The following SPAG16 variants were observed in gnomAD, a reference collection of about 807,000 sequenced individuals.
SPAG16 encodes the protein sperm-associated antigen 16 protein.
In SPAG16, 86 loss-of-function variants were observed where a neutral mutation model predicts 80.4. That is an observed-to-expected ratio of 1.07 (90% CI 0.90 to 1.28). The LOEUF (loss-of-function observed/expected upper bound fraction) is 1.28. Among genes scored for constraint, SPAG16 ranks in the 50% most tolerant of loss-of-function variants. The pLI, the probability that SPAG16 is intolerant of heterozygous loss-of-function variation, is 0.00. For missense variants in SPAG16, 870 were observed against 765.3 expected, an observed-to-expected ratio of 1.14 and a Z score of -1.61; for synonymous variants, 294 against 265.9, an observed-to-expected ratio of 1.11 and a Z score of -1.03.
intron 10 of SPAG16, among the ~76,000 whole-genome samples, chr2:213,612,597 C>G (rs1001428594): frequency 6.6e-6 from 1 of 152,326 alleles, no homozygotes; most frequent in East Asian, 1.9e-4. Flanking sequence ...AAATCAACCA[C>G]CAATTGATCA....
chr2:214,053,366 T>C (rs2049762861), intron 13 of SPAG16, among the ~76,000 whole-genome samples: 1 of 152,176 alleles, frequency 6.6e-6, no homozygotes, highest in Non-Finnish European at 1.5e-5. Flanking sequence ...CTTTGCTTAA[T>C]AAGGCCTGAA....
intron 10 of SPAG16, among the ~76,000 whole-genome samples, chr2:213,820,361 T>TG (rs975755795): frequency 1.4e-4 from 22 of 152,292 alleles, no homozygotes; most frequent in Admixed American, 7.9e-4. Context: ...AACCTTTTTT[T>TG]TGTGTGTGGG....
chr2:213,707,065 T>C (rs1042923573), intron 10 of SPAG16, among the ~76,000 whole-genome samples: 3 of 152,224 alleles, frequency 2.0e-5, no homozygotes, highest in Non-Finnish European at 2.9e-5. Flanking sequence ...TGTCATATTC[T>C]ATTGGTCACA....
At chr2:213,421,991 C>T (rs1002912039) in intron 9 of SPAG16, 4 of 570,808 alleles carry the variant, frequency 7.0e-6, no homozygotes, top group African/African-American at 5.6e-5. Flanking sequence ...TAAAGTTCCT[C>T]TCTGCCTTGC....
intron 10 of SPAG16, among the ~76,000 whole-genome samples, chr2:213,728,769 C>T (rs1055505141): frequency 4.6e-5 from 7 of 151,208 alleles, no homozygotes; most frequent in Non-Finnish European, 7.4e-5. Context: ...CCCAGCTGCT[C>T]GGCAGGCTGA....
At chr2:213,921,570 A>G (rs138205003) in intron 11 of SPAG16, among the ~76,000 whole-genome samples, 2 of 152,264 alleles carry the variant, frequency 1.3e-5, no homozygotes, top group African/African-American at 4.8e-5. Context: ...TGATCCTGTC[A>G]TCATATTGTT....
chr2:213,707,647 G>A (rs770031917), intron 10 of SPAG16, among the ~76,000 whole-genome samples: 33 of 152,042 alleles, frequency 2.2e-4, no homozygotes, highest in Non-Finnish European at 4.0e-4. Context: ...TGCCTATCAT[G>A]TGCCTAAAAT....
At position 213,435,265 on chromosome 2, in the gene SPAG16, A is replaced by G. The variant is rs960313071; in HGVS notation, c.943-54698A>G. Among the ~76,000 whole-genome samples the G allele has an allele frequency of 3.3e-5, 5 of 152,216 alleles. No individual in the cohort carries two copies. The East Asian group carries it at 7.7e-4, about 23-fold the overall frequency. Reference sequence around the variant, plus strand: ...TAAGTGAATTGCAGGTCATTATCTTAGGTGAAACAATGCAGAAACAGAAAG... The same window carrying G: ...TAAGTGAATTGCAGGTCATTATCTTGGGTGAAACAATGCAGAAACAGAAAG... On this transcript the variant is annotated intron_variant, in intron 9 of 15. Coordinates refer to ENST00000331683, the MANE Select transcript of SPAG16 (RefSeq NM_024532.5).
chr2:214,111,080 T>G (rs1355746334), intron 14 of SPAG16, among the ~76,000 whole-genome samples: 1 of 152,216 alleles, frequency 6.6e-6, no homozygotes, highest in African/African-American at 2.4e-5. Flanking sequence ...TCCTGTAGGT[T>G]GCCTGTTCAC....
At chr2:213,358,098 G>A (rs2065769609) in intron 7 of SPAG16, among the ~76,000 whole-genome samples, 1 of 152,148 alleles carries the variant, frequency 6.6e-6, no homozygotes, top group Non-Finnish European at 1.5e-5. Context: ...ACTCTCTTCT[G>A]GCTTGTAGGG....
chr2:213,731,153 GTTTTTT>G (rs57074369), intron 10 of SPAG16, among the ~76,000 whole-genome samples: 2 of 107,098 alleles, frequency 1.9e-5, no homozygotes, highest in African/African-American at 7.0e-5. Flanking sequence ...TTATATCTGA[GTTTTTT>G]TTTTTTTTTT....
At chr2:213,686,401 C>T (rs1311603538) in intron 10 of SPAG16, among the ~76,000 whole-genome samples, 1 of 152,186 alleles carries the variant, frequency 6.6e-6, no homozygotes, top group African/African-American at 2.4e-5. Flanking sequence ...CAGGCATGAG[C>T]CAAAGCGCCC....
intron 15 of SPAG16, among the ~76,000 whole-genome samples, chr2:214,395,245 T>C (rs2126134348): frequency 6.6e-6 from 1 of 152,328 alleles, no homozygotes; most frequent in South Asian, 2.1e-4. Flanking sequence ...TGTGAAATAA[T>C]TGGCAAGAGT....
intron 15 of SPAG16, among the ~76,000 whole-genome samples, chr2:214,319,686 A>T (rs1240068798): frequency 1.3e-5 from 2 of 152,108 alleles, no homozygotes; most frequent in Admixed American, 1.3e-4. Flanking sequence ...TATTTTCTTG[A>T]AGAAAAAGAT....
chr2:213,692,810 GAA>G (rs747223234), intron 10 of SPAG16, among the ~76,000 whole-genome samples: 4 of 86,176 alleles, frequency 4.6e-5, no homozygotes, highest in Non-Finnish European at 9.5e-5. Context: ...ACTCGGTCTC[GAA>G]AAAAAAAAAA....
rs760836326 is a variant in SPAG16 at position 213,317,338 on chromosome 2, A to G, written c.518A>G (p.His173Arg). The change falls in exon 5 of 16, where the codon CAC (histidine) becomes CGC (arginine). Residue 173 changes from histidine (H) to arginine (R), a missense_variant. By Grantham distance (29) the His-to-Arg change is conservative (BLOSUM62 0). Transcript: ENST00000331683. ...ENKNLKKDLK[H>R]YKQAADKARE... ...AAAAATTTAAAGAAAGATTTGAAGC[A>G]CTACAAACAAGCAGCTGAGTATGTT... 6.2e-7 allele frequency: 1 copy of G among 1,609,408 alleles called. No individual in the cohort carries two copies. The highest frequency in any genetic ancestry group is 8.5e-7 in the Non-Finnish European group (1 of 1,177,698).
intron 15 of SPAG16, among the ~76,000 whole-genome samples, chr2:214,315,539 T>A (rs1456506610): frequency 7.2e-6 from 1 of 138,686 alleles, no homozygotes; most frequent in Admixed American, 7.2e-5. Context: ...ATTTATTTAT[T>A]TATTTATTTT....
intron 15 of SPAG16, among the ~76,000 whole-genome samples, chr2:214,296,984 C>T (rs960808131): frequency 2.0e-5 from 3 of 152,192 alleles, no homozygotes; most frequent in Admixed American, 2.0e-4. Flanking sequence ...CACTTTCTGC[C>T]ATGATTGTTA....
intron 10 of SPAG16, among the ~76,000 whole-genome samples, chr2:213,536,546 TTG>T (rs2076254720): frequency 6.6e-6 from 1 of 152,200 alleles, no homozygotes; most frequent in Non-Finnish European, 1.5e-5. Flanking sequence ...TGGTATCTCA[TTG>T]TGGTTTTGAT....
Sources: allele counts gnomAD v4.1 joint callset (sites outside exome capture counted in the v4.1 genomes callset), GRCh38; gene constraint gnomAD v4.1.1; transcripts MANE v1.5; gene names NCBI Gene and HGNC (gene_info 2026-07-23, HGNC 2026-07-21).